NR2C2: variants seen among roughly 807,000 people sequenced by gnomAD.
NR2C2 encodes nuclear receptor subfamily 2 group C member 2.
Under a neutral mutation model 62.9 loss-of-function variants are expected in NR2C2, and 6 were observed. The observed-to-expected ratio is 0.10, with a 90% CI of 0.05 to 0.19. The LOEUF (loss-of-function observed/expected upper bound fraction) is 0.19, where lower values mean the gene tolerates loss of function less well. Among genes scored for constraint, NR2C2 ranks in the 10% least tolerant of loss-of-function variants. NR2C2 has a pLI of 1.00. For missense variants in NR2C2, 479 were observed against 762.7 expected (o/e 0.63, Z 4.38); for synonymous variants, 272 against 273.8 (o/e 0.99, Z 0.07).
intron 1 of NR2C2, among the ~76,000 whole-genome samples, chr3:14,980,737 G>A (rs971489797): frequency 6.6e-6 from 1 of 152,186 alleles, no homozygotes; most frequent in African/African-American, 2.4e-5. Flanking sequence ...TTATGGCAGG[G>A]GTTGTGAAGA....
chr3:14,971,350 C>A (rs191110334), intron 1 of NR2C2, among the ~76,000 whole-genome samples: 2 of 151,422 alleles, frequency 1.3e-5, no homozygotes, highest in African/African-American at 4.9e-5. Flanking sequence ...ACTCCTGACC[C>A]CAGGTGATCC....
intron 5 of NR2C2, 62 bp downstream of exon 5, chr3:15,020,994 T>C: frequency 6.8e-7 from 1 of 1,479,102 alleles, no homozygotes; most frequent in Non-Finnish European, 9.3e-7. Flanking sequence ...AATGAGTCCA[T>C]TAAATAAGGT....
intron 3 of NR2C2, among the ~76,000 whole-genome samples, chr3:15,014,076 T>C (rs947006509): frequency 1.3e-5 from 2 of 152,150 alleles, no homozygotes; most frequent in Non-Finnish European, 2.9e-5. Context: ...TGGAGAATTG[T>C]TCTTACCTAA....
At chr3:15,018,759 G>A (rs534684699) in intron 4 of NR2C2, among the ~76,000 whole-genome samples, 1 of 152,040 alleles carries the variant, frequency 6.6e-6, no homozygotes, top group African/African-American at 2.4e-5. Context: ...TCTCACATCT[G>A]TAATCCCAGC....
chr3:14,948,922 G>C (rs1412611188), intron 1 of NR2C2, among the ~76,000 whole-genome samples: 1 of 152,164 alleles, frequency 6.6e-6, no homozygotes, highest in Admixed American at 6.5e-5. Flanking sequence ...CATTGTTTGT[G>C]GGGCTCTACT....
intron 4 of NR2C2, among the ~76,000 whole-genome samples, chr3:15,017,449 A>G (rs3773480): frequency 0.12 from 18,864 of 152,204 alleles, 1,419 homozygotes; most frequent in Non-Finnish European, 0.17. Context: ...AGCAAAAACC[A>G]TGTCTTACCA....
chr3:15,034,897 T>C (rs2042066976), intron 11 of NR2C2, 88 bp downstream of exon 11: 19 of 1,345,630 alleles, frequency 1.4e-5, no homozygotes, highest in African/African-American at 3.0e-5. Flanking sequence ...TGGAGGCTCA[T>C]GTCAAAGACA....
At chr3:15,002,914 T>A (rs2041059068) in intron 1 of NR2C2, among the ~76,000 whole-genome samples, 1 of 151,460 alleles carries the variant, frequency 6.6e-6, no homozygotes, top group South Asian at 2.1e-4. Flanking sequence ...CACCTCGGCC[T>A]CCCAAAGTGC....
chr3:15,009,281 G>C (rs57689841), intron 2 of NR2C2, among the ~76,000 whole-genome samples: 6,245 of 152,216 alleles, frequency 0.041, 444 homozygotes, highest in African/African-American at 0.14. Flanking sequence ...ATTCTTTGTG[G>C]AGGTAGGTGT....
chr3:15,017,534 A>G (rs1485725803), intron 4 of NR2C2, among the ~76,000 whole-genome samples: 2 of 152,208 alleles, frequency 1.3e-5, no homozygotes. Context: ...TGAGTGAAGC[A>G]TGAACGTAAC....
intron 1 of NR2C2, among the ~76,000 whole-genome samples, chr3:15,001,508 G>GT (rs2041002023): frequency 6.6e-6 from 1 of 151,452 alleles, no homozygotes; most frequent in Non-Finnish European, 1.5e-5. Context: ...TTATTTTTGT[G>GT]TTTTTTAGTA....
chr3:15,037,215 G>T (rs1293400044), intron 11 of NR2C2, among the ~76,000 whole-genome samples: 1 of 136,572 alleles, frequency 7.3e-6, no homozygotes, highest in Non-Finnish European at 1.5e-5. Flanking sequence ...TTGTTTGTGT[G>T]TGTGTGTGTG....
intron 1 of NR2C2, among the ~76,000 whole-genome samples, chr3:14,965,522 CAAAAAAAA>C (rs545143806): frequency 4.8e-4 from 38 of 79,676 alleles, no homozygotes; most frequent in East Asian, 9.6e-4. Flanking sequence ...TTTCCCATGG[CAAAAAAAA>C]AAAAAAAAAA....
Position 15,045,357 on chromosome 3 carries a change from T to G in NR2C2, c.*2349T>G, listed in dbSNP as rs1197918576. ...ATTCAGTGGCAGCCAGTAGGCTGCT[T>G]AGACTCAGGCTGGATAAGGAAGTGT... On this transcript the variant is annotated 3_prime_UTR_variant, in exon 14 of 14. Transcript: ENST00000425241. 2 of 152,654 alleles carry G rather than the reference T, an allele frequency of 1.3e-5. No homozygotes were observed. Among genetic ancestry groups the G allele is most frequent in the African/African-American group, 4.8e-5 (2 of 41,442 alleles). 9.5% of individuals were successfully genotyped at this position (152,654 alleles called of 1,614,324 possible). A position where few individuals can be genotyped will look rare whatever the true frequency, so the allele number is the denominator to read the frequency against.
At chr3:15,019,175 G>A (rs891969053) in intron 4 of NR2C2, among the ~76,000 whole-genome samples, 3 of 151,142 alleles carry the variant, frequency 2.0e-5, no homozygotes, top group Admixed American at 6.6e-5. Context: ...GCAGTGAGCC[G>A]AAATCATGGC....
chr3:14,990,922 A>G (rs1410107286), intron 1 of NR2C2, among the ~76,000 whole-genome samples: 3 of 152,232 alleles, frequency 2.0e-5, no homozygotes, highest in Non-Finnish European at 1.5e-5. Context: ...CTTGTATTTG[A>G]ATATGCTGGC....
chr3:15,039,096 G>GGT, intron 12 of NR2C2, 26 bp from the exon 13 acceptor site: 1 of 1,123,102 alleles, frequency 8.9e-7, no homozygotes, highest in Non-Finnish European at 1.3e-6. Context: ...AGAGGGAACT[G>GGT]GGGGGGGGTA....
At chr3:15,014,701 G>C (rs1325256744) in intron 3 of NR2C2, among the ~76,000 whole-genome samples, 1 of 151,904 alleles carries the variant, frequency 6.6e-6, no homozygotes, top group Non-Finnish European at 1.5e-5. Context: ...CTGTCTCCAT[G>C]AATTTGACTA....
chr3:14,976,131 G>A (rs1207381156), intron 1 of NR2C2, among the ~76,000 whole-genome samples: 1 of 152,034 alleles, frequency 6.6e-6, no homozygotes, highest in African/African-American at 2.4e-5. Flanking sequence ...CTGAGAATTT[G>A]TCCGTTTCAT....
Sources: gnomAD v4.1 joint callset for allele counts (sites outside exome capture counted in the v4.1 genomes callset) on GRCh38, gnomAD v4.1.1 for gene constraint, MANE v1.5 for transcripts, NCBI Gene and HGNC (gene_info 2026-07-23, HGNC 2026-07-21) for gene names.